Variants in ZMYM4 observed in about 807,000 individuals in gnomAD.
ZMYM4 encodes the protein zinc finger MYM-type protein 4.
Under a neutral mutation model 183.2 loss-of-function variants are expected in ZMYM4, and 31 were observed. The observed-to-expected ratio is 0.17, with a 90% CI of 0.13 to 0.23. The LOEUF is 0.23. Among genes scored for constraint, ZMYM4 ranks in the 10% least tolerant of loss-of-function variants. The pLI is 1.00. For synonymous variants in ZMYM4, 592 were observed against 631.2 expected, an observed-to-expected ratio of 0.94 and a Z score of 0.93; for missense variants, 1,273 against 1,840.3, an observed-to-expected ratio of 0.69 and a Z score of 5.64.
At chr1:35,284,235 C>A (rs527700861) in intron 1 of ZMYM4, among the ~76,000 whole-genome samples, 2 of 152,118 alleles carry the variant, frequency 1.3e-5, no homozygotes, top group African/African-American at 4.8e-5. Context: ...CTCGGCCTCC[C>A]AAAGTGCTGG....
chr1:35,338,941 T>G (rs1643086706), intron 2 of ZMYM4, among the ~76,000 whole-genome samples: 1 of 152,240 alleles, frequency 6.6e-6, no homozygotes, highest in Non-Finnish European at 1.5e-5. Flanking sequence ...AGAAGTTAAT[T>G]GATTTTAATG....
At chr1:35,320,047 G>A (rs1219825550) in intron 1 of ZMYM4, among the ~76,000 whole-genome samples, 2 of 152,200 alleles carry the variant, frequency 1.3e-5, no homozygotes, top group African/African-American at 2.4e-5. Flanking sequence ...GGGCTAGTGT[G>A]ATACTGTGAT....
Position 35,385,484 on chromosome 1 carries a change from A to C in ZMYM4, c.1612A>C (p.Arg538=). Residue 538 remains arginine, a synonymous_variant, in exon 10 of 30, where the codon AGA becomes CGA. Transcript: ENST00000314607. ...ACCGTGTGCGCTTTGCAAATCATTG[A>C]GATCCTCAGCAGAAATGATTGAAAA... is the stretch of plus-strand genomic sequence containing the variant. The part of the protein sequence containing the change: ...ITPCALCKSL[R]SSAEMIENTN... 6.2e-7 allele frequency: 1 copy of C among 1,613,114 alleles called. No homozygotes were observed. The highest frequency in any genetic ancestry group is 8.5e-7 in the Non-Finnish European group (1 of 1,179,712).
At chr1:35,346,580 G>A (rs1643397873) in intron 2 of ZMYM4, among the ~76,000 whole-genome samples, 1 of 149,554 alleles carries the variant, frequency 6.7e-6, no homozygotes, top group African/African-American at 2.5e-5. Context: ...GAACCTAGGA[G>A]GTGGAGGTTG....
chr1:35,269,152 A>G (rs909253725), intron 1 of ZMYM4, 67 bp downstream of exon 1: 26 of 1,535,224 alleles, frequency 1.7e-5, no homozygotes, highest in East Asian at 2.5e-5. Context: ...GGAATGGGCC[A>G]TACTCAGGTT....
intron 18 of ZMYM4, among the ~76,000 whole-genome samples, chr1:35,394,836 G>T (rs577652672): frequency 6.6e-6 from 1 of 152,028 alleles, no homozygotes; most frequent in Non-Finnish European, 1.5e-5. Flanking sequence ...AATTTTGGCC[G>T]ATTGCAGTGG....
intron 1 of ZMYM4, among the ~76,000 whole-genome samples, chr1:35,308,041 G>C (rs1428226210): frequency 6.6e-6 from 1 of 152,028 alleles, no homozygotes; most frequent in Non-Finnish European, 1.5e-5. Context: ...ACCCAGGCTG[G>C]AGTGCAGTGG....
At chr1:35,378,651 A>G (rs1049437506) in intron 7 of ZMYM4, among the ~76,000 whole-genome samples, 3 of 152,220 alleles carry the variant, frequency 2.0e-5, no homozygotes, top group Non-Finnish European at 4.4e-5. Flanking sequence ...GTCACCAGCT[A>G]TGTTAGCCCC....
chr1:35,379,742 G>A (rs1033762379), intron 7 of ZMYM4, among the ~76,000 whole-genome samples: 6 of 152,208 alleles, frequency 3.9e-5, no homozygotes, highest in African/African-American at 1.2e-4. Context: ...AGCACTTAGA[G>A]GCCATTGTGA....
chr1:35,286,786 T>A (rs1360714868), intron 1 of ZMYM4, among the ~76,000 whole-genome samples: 2 of 86,020 alleles, frequency 2.3e-5, no homozygotes, highest in Non-Finnish European at 4.2e-5. Context: ...TTTTTTTTTT[T>A]TTTTTTTTTT....
At chr1:35,303,495 G>A (rs1247642380) in intron 1 of ZMYM4, among the ~76,000 whole-genome samples, 7 of 151,504 alleles carry the variant, frequency 4.6e-5, no homozygotes, top group East Asian at 1.9e-4. Flanking sequence ...AACCTCCGCC[G>A]TCTGGGTTCA....
chr1:35,307,880 A>G (rs1291030414), intron 1 of ZMYM4, among the ~76,000 whole-genome samples: 1 of 151,622 alleles, frequency 6.6e-6, no homozygotes, highest in Non-Finnish European at 1.5e-5. Flanking sequence ...CCCAGGCTGG[A>G]GTGCAATGGT....
rs1640082507 is a variant in ZMYM4 at position 35,415,595 on chromosome 1, C to A, written c.4190C>A (p.Thr1397Asn). 1.9e-6 allele frequency: 3 copies of A among 1,614,084 alleles called. No homozygotes were observed. The highest frequency in any genetic ancestry group is 2.2e-5 in the East Asian group (1 of 44,900). Residue 1397 changes from threonine (T) to asparagine (N), a missense_variant, in exon 28 of 30, where the codon ACT becomes AAT. By Grantham distance (65) the Thr-to-Asn change is moderately conservative. Around this residue, in one of 6 missense-constraint regions of ZMYM4, gnomAD observed 145 missense variants for 331.6 expected, o/e 0.44. Transcript: ENST00000314607. ...NTKYFQLKNV[T>N]EHLKLSFAHV... ...AAATACTTCCAACTAAAGAATGTTA[C>A]TGAGCACTTGAAGCTTTCCTTTGCC...
At position 35,405,011 on chromosome 1, in the gene ZMYM4, G is replaced by A. The variant is rs761025921; in HGVS notation, c.3529-12G>A. 1 of 1,553,006 alleles carries A rather than the reference G, an allele frequency of 6.4e-7. No homozygotes were observed. Among genetic ancestry groups the A allele is most frequent in the Admixed American group, 2.1e-5 (1 of 48,684 alleles). The stretch of plus-strand genomic sequence containing the variant: ...AAATTTTATGTTCTGTAAATTTTTG[G>A]AATTCTTACAGGGACGGAAGAAGTC... On this transcript the variant is annotated splice_polypyrimidine_tract_variant and intron_variant, in intron 23 of 29. Coordinates refer to ENST00000314607, the MANE Select transcript of ZMYM4 (RefSeq NM_005095.3).
intron 7 of ZMYM4, among the ~76,000 whole-genome samples, chr1:35,376,667 G>C (rs1221644492): frequency 1.3e-5 from 2 of 151,900 alleles, no homozygotes; most frequent in Non-Finnish European, 2.9e-5. Context: ...GGGACTACAG[G>C]CACACGCCAC....
chr1:35,350,692 A>G lies in ZMYM4; in HGVS notation c.86-8233A>G, dbSNP rs1643572450. ...CTGCTGGGCCTGCAGGTCTCTGTCCAGCTGCAGACAAAGATCTCTCTTCTG... is the reference window on the plus strand; with the variant it reads ...CTGCTGGGCCTGCAGGTCTCTGTCCGGCTGCAGACAAAGATCTCTCTTCTG... On this transcript the variant is annotated intron_variant, in intron 2 of 29. Transcript: ENST00000314607. 2.0e-5 allele frequency: 7 copies of G among 352,358 alleles called. No homozygotes were observed. In the South Asian group the frequency reaches 2.1e-4, roughly 11 times the overall value. The allele number at this position is 352,358 out of a possible 1,614,324, so 21.8% of individuals were successfully genotyped here. A position where few individuals can be genotyped will look rare whatever the true frequency, so the allele number is the denominator to read the frequency against.
intron 29 of ZMYM4, 32 bp from the exon 30 acceptor site, chr1:35,419,431 ATTTTCTT>A (rs765979491): frequency 3.1e-6 from 5 of 1,596,012 alleles, no homozygotes; most frequent in Non-Finnish European, 4.3e-6. Context: ...CTGATTTCTA[ATTTTCTT>A]TTTTCTCTTT....
At chr1:35,377,553 T>G (rs1374319884) in intron 7 of ZMYM4, among the ~76,000 whole-genome samples, 3 of 152,168 alleles carry the variant, frequency 2.0e-5, no homozygotes, top group Non-Finnish European at 2.9e-5. Flanking sequence ...AAAGCAATTA[T>G]CTCAATAAAG....
intron 2 of ZMYM4, among the ~76,000 whole-genome samples, chr1:35,335,393 T>G (rs1194079516): frequency 6.6e-6 from 1 of 151,910 alleles, no homozygotes; most frequent in Non-Finnish European, 1.5e-5. Flanking sequence ...CCCACCACCA[T>G]ACTTGGCTAA....
Sources: allele counts gnomAD v4.1 joint callset (sites outside exome capture counted in the v4.1 genomes callset), GRCh38; gene constraint gnomAD v4.1.1; regional missense constraint gnomAD v4.1.1; transcripts MANE v1.5; gene names NCBI Gene and HGNC (gene_info 2026-07-23, HGNC 2026-07-21).